The following PIK3CB variants were observed in gnomAD, a reference collection of about 807,000 sequenced individuals.
The protein encoded by PIK3CB is phosphatidylinositol-4,5-bisphosphate 3-kinase catalytic subunit beta.
A neutral mutation model predicts 136.8 loss-of-function variants in PIK3CB; 39 were observed. The ratio of observed to expected loss-of-function variants is 0.29; its 90% CI spans 0.22 to 0.37. PIK3CB has a LOEUF of 0.37. PIK3CB is among the 10% of genes least tolerant of loss of function. The probability of loss-of-function intolerance (pLI) is 1.00; values close to 1 mark genes in which losing one functional copy is unlikely to be tolerated. For synonymous variants in PIK3CB, 428 were observed against 436.6 expected, an observed-to-expected ratio of 0.98 and a Z score of 0.25; for missense variants, 868 against 1,275.4, an observed-to-expected ratio of 0.68 and a Z score of 4.87.
At chr3:138,747,587 A>AC (rs1337172364) in intron 4 of PIK3CB, among the ~76,000 whole-genome samples, 1 of 151,424 alleles carries the variant, frequency 6.6e-6, no homozygotes, top group East Asian at 2.0e-4. Context: ...TGCAAATGGC[A>AC]CCATGTATGG....
chr3:138,759,849 T>C (rs913251599), intron 2 of PIK3CB, among the ~76,000 whole-genome samples: 2 of 152,102 alleles, frequency 1.3e-5, no homozygotes, highest in South Asian at 2.1e-4. Flanking sequence ...CAAATTCCAA[T>C]GAAAATGACA....
chr3:138,751,669 G>C (rs1394368635), intron 4 of PIK3CB, among the ~76,000 whole-genome samples: 1 of 151,852 alleles, frequency 6.6e-6, no homozygotes, highest in African/African-American at 2.4e-5. Flanking sequence ...TAAAGAGGGT[G>C]TTAAAATCCT....
At chr3:138,717,212 C>G (rs2044629026) in intron 8 of PIK3CB, among the ~76,000 whole-genome samples, 1 of 150,518 alleles carries the variant, frequency 6.6e-6, no homozygotes, top group African/African-American at 2.4e-5. Context: ...CAAGATTGTG[C>G]CACTGCACTC....
intron 2 of PIK3CB, chr3:138,777,883 A>G: frequency 4.0e-6 from 1 of 250,336 alleles, no homozygotes; most frequent in Non-Finnish European, 8.1e-6. Flanking sequence ...CTGGTCACCA[A>G]GGCTGCTTTT....
At chr3:138,792,694 G>C (rs1305454869) in intron 2 of PIK3CB, among the ~76,000 whole-genome samples, 1 of 152,218 alleles carries the variant, frequency 6.6e-6, no homozygotes, top group African/African-American at 2.4e-5. Flanking sequence ...TTTCTGCTTA[G>C]AAACTAGAGG....
At chr3:138,660,946 G>T (rs919217654) in intron 21 of PIK3CB, among the ~76,000 whole-genome samples, 1 of 152,154 alleles carries the variant, frequency 6.6e-6, no homozygotes, top group Non-Finnish European at 1.5e-5. Flanking sequence ...GGACTTCCTT[G>T]TATAGAAACT....
At chr3:138,736,749 A>G (rs1013217122) in intron 6 of PIK3CB, among the ~76,000 whole-genome samples, 2 of 152,216 alleles carry the variant, frequency 1.3e-5, no homozygotes, top group Admixed American at 6.5e-5. Context: ...ATTAAATGAA[A>G]ATAAATAAAT....
intron 1 of PIK3CB, chr3:138,825,907 C>T (rs1378987842): frequency 2.6e-5 from 41 of 1,561,732 alleles, no homozygotes; most frequent in African/African-American, 9.5e-5. Context: ...ATGTTCATCA[C>T]GGCAACGTTG....
At chr3:138,803,817 T>C (rs1414418632) in intron 1 of PIK3CB, among the ~76,000 whole-genome samples, 1 of 152,174 alleles carries the variant, frequency 6.6e-6, no homozygotes, top group East Asian at 1.9e-4. Context: ...CTCTCTACCT[T>C]GATTTTCAGA....
At chr3:138,693,961 ATATAT>A (rs1295882882) in intron 14 of PIK3CB, among the ~76,000 whole-genome samples, 1,331 of 35,354 alleles carry the variant, frequency 0.038, 86 homozygotes, top group East Asian at 0.3. Flanking sequence ...ATATATATAT[ATATAT>A]TATATATATA....
At chr3:138,738,221 G>A (rs1186805560) in intron 5 of PIK3CB, among the ~76,000 whole-genome samples, 3 of 151,876 alleles carry the variant, frequency 2.0e-5, no homozygotes, top group African/African-American at 7.3e-5. Flanking sequence ...CCCCAGGCTG[G>A]AGCGCAATGG....
chr3:138,679,217 A>G (rs550240700), intron 19 of PIK3CB, among the ~76,000 whole-genome samples: 1 of 152,386 alleles, frequency 6.6e-6, no homozygotes, highest in African/African-American at 2.4e-5. Context: ...CTGAAGTTTA[A>G]TGAGAATATA....
intron 14 of PIK3CB, 74 bp from the exon 15 acceptor site, chr3:138,691,217 C>G (rs974665428): frequency 1.5e-6 from 2 of 1,350,872 alleles, no homozygotes; most frequent in African/African-American, 2.9e-5. Flanking sequence ...ATCAAACTAT[C>G]AAATGTGAAC....
intron 1 of PIK3CB, among the ~76,000 whole-genome samples, chr3:138,805,761 C>T (rs537571719): frequency 2.2e-4 from 33 of 151,614 alleles, no homozygotes; most frequent in African/African-American, 7.7e-4. Context: ...GAGAGAGTCT[C>T]GCTCTGTCAC....
At chr3:138,744,559 C>A (rs2045315380) in intron 4 of PIK3CB, among the ~76,000 whole-genome samples, 2 of 151,824 alleles carry the variant, frequency 1.3e-5, no homozygotes, top group African/African-American at 2.4e-5. Flanking sequence ...GGGGAGGCAG[C>A]AGACGCAGGC....
chr3:138,786,649 A>G (rs1215778590), intron 2 of PIK3CB, among the ~76,000 whole-genome samples: 1 of 152,172 alleles, frequency 6.6e-6, no homozygotes, highest in Non-Finnish European at 1.5e-5. Flanking sequence ...CCCAGCCTGT[A>G]TTTAAATTTT....
At chr3:138,784,936 G>A (rs986752457) in intron 2 of PIK3CB, among the ~76,000 whole-genome samples, 8 of 151,992 alleles carry the variant, frequency 5.3e-5, no homozygotes, top group Non-Finnish European at 1.2e-4. Context: ...ACCCCGTCTG[G>A]GAGGTGAGGA....
intron 1 of PIK3CB, among the ~76,000 whole-genome samples, chr3:138,829,496 T>G (rs746914952): frequency 2.0e-5 from 3 of 151,930 alleles, no homozygotes; most frequent in Non-Finnish European, 4.4e-5. Context: ...GAGATAAAAT[T>G]TAGAGTGTGC....
intron 1 of PIK3CB, among the ~76,000 whole-genome samples, chr3:138,812,121 G>A (rs1418846157): frequency 2.0e-5 from 3 of 151,756 alleles, no homozygotes; most frequent in East Asian, 3.9e-4. Flanking sequence ...ACTCCTAGAT[G>A]ATTTCATTTA....
Sources: allele counts gnomAD v4.1 joint callset (sites outside exome capture counted in the v4.1 genomes callset), GRCh38; gene constraint gnomAD v4.1.1; transcripts MANE v1.5; gene names NCBI Gene and HGNC (gene_info 2026-07-23, HGNC 2026-07-21).